The following CTNNA3 variants were observed in gnomAD, a reference collection of about 807,000 sequenced individuals.
CTNNA3 encodes the protein catenin alpha 3, also known as catenin alpha-3.
CTNNA3 carries 76 observed loss-of-function variants against 95.7 expected under a neutral mutation model. That is an observed-to-expected ratio of 0.79 (90% CI 0.66 to 0.96). The LOEUF is 0.96. CTNNA3 is among the 40% of genes least tolerant of loss of function. CTNNA3 has a pLI of 0.00. For synonymous variants in CTNNA3, 431 were observed against 374.4 expected, an observed-to-expected ratio of 1.15 and a Z score of -1.74; for missense variants, 1,191 against 1,089.8, an observed-to-expected ratio of 1.09 and a Z score of -1.31.
At chr10:67,480,687 A>G (rs1848183945) in intron 5 of CTNNA3, among the ~76,000 whole-genome samples, 1 of 152,234 alleles carries the variant, frequency 6.6e-6, no homozygotes, top group Admixed American at 6.5e-5. Flanking sequence ...TATAGAAACA[A>G]TGCTTATCAC....
At chr10:67,561,757 C>G (rs1000444922) in intron 3 of CTNNA3, among the ~76,000 whole-genome samples, 1 of 151,628 alleles carries the variant, frequency 6.6e-6, no homozygotes, top group African/African-American at 2.4e-5. Flanking sequence ...CTAAGAAAGA[C>G]AAAAAGAGAG....
chr10:67,422,035 C>T (rs1766616665), intron 5 of CTNNA3, among the ~76,000 whole-genome samples: 1 of 152,014 alleles, frequency 6.6e-6, no homozygotes, highest in Non-Finnish European at 1.5e-5. Flanking sequence ...ATCATGAAAA[C>T]ATCAGACAAA....
chr10:66,369,584 A>T (rs1192049948), intron 12 of CTNNA3, among the ~76,000 whole-genome samples: 1 of 152,094 alleles, frequency 6.6e-6, no homozygotes, highest in African/African-American at 2.4e-5. Context: ...ATTTTTTCCC[A>T]AGTGAAAGAG....
At chr10:66,446,354 T>C (rs1320629495) in intron 11 of CTNNA3, among the ~76,000 whole-genome samples, 6 of 149,604 alleles carry the variant, frequency 4.0e-5, no homozygotes, top group African/African-American at 1.5e-4. Context: ...TACCAAAGCC[T>C]GGCAGAGACA....
At chr10:66,566,922 G>A (rs1389842833) in intron 10 of CTNNA3, among the ~76,000 whole-genome samples, 1 of 150,696 alleles carries the variant, frequency 6.6e-6, no homozygotes, top group Non-Finnish European at 1.5e-5. Flanking sequence ...GAAAAAGAGA[G>A]GTGGAGAGGT....
At chr10:67,673,851 A>G (rs1328218153) in intron 1 of CTNNA3, among the ~76,000 whole-genome samples, 1 of 144,570 alleles carries the variant, frequency 6.9e-6, no homozygotes, top group African/African-American at 2.5e-5. Context: ...GATAAAAATG[A>G]GTTCTTAACT....
intron 10 of CTNNA3, among the ~76,000 whole-genome samples, chr10:66,567,073 A>AT (rs1842733999): frequency 2.3e-3 from 1 of 426 alleles, no homozygotes; most frequent in Non-Finnish European, 5.0e-3. Context: ...AGGGGGAGGG[A>AT]GGGAGGGAGG....
chr10:66,620,094 A>G lies in CTNNA3; in HGVS notation c.1374+1598T>C, dbSNP rs892365293. Among the ~76,000 whole-genome samples the G allele has an allele frequency of 1.6e-4, 24 of 152,146 alleles. 1 individual carries two copies. Among genetic ancestry groups the G allele is most frequent in the African/African-American group, 5.8e-4 (24 of 41,454 alleles). On this transcript the variant is annotated intron_variant, in intron 10 of 17. Transcript: ENST00000433211. ...AAATATCTGTATGTTGAATAATAAT[A>G]CTTTACTCTTTTAACAACATAATGT...
At chr10:67,606,710 A>G in intron 3 of CTNNA3, 147 bp downstream of exon 3, 1 of 623,850 alleles carries the variant, frequency 1.6e-6, no homozygotes, top group African/African-American at 1.9e-5. Context: ...CTAATGAGCC[A>G]CTCTGCCTCC....
intron 11 of CTNNA3, among the ~76,000 whole-genome samples, chr10:66,404,448 C>T (rs145743912): frequency 6.6e-5 from 10 of 152,226 alleles, no homozygotes; most frequent in East Asian, 1.9e-4. Context: ...AAACTCCTAG[C>T]GCATACTTAT....
At chr10:67,394,864 T>A (rs534711022) in intron 5 of CTNNA3, among the ~76,000 whole-genome samples, 1 of 152,178 alleles carries the variant, frequency 6.6e-6, no homozygotes, top group South Asian at 2.1e-4. Context: ...ACTGACAAAT[T>A]GAAAAGCTAT....
chr10:67,109,783 C>T (rs1858823463), intron 7 of CTNNA3, among the ~76,000 whole-genome samples: 1 of 152,142 alleles, frequency 6.6e-6, no homozygotes. Context: ...GCGGAGCTTG[C>T]AGTGAGCCGA....
At chr10:67,567,151 C>T (rs1269128027) in intron 3 of CTNNA3, among the ~76,000 whole-genome samples, 6 of 150,820 alleles carry the variant, frequency 4.0e-5, no homozygotes, top group South Asian at 2.1e-4. Flanking sequence ...TGCACATGTA[C>T]CCTAAAACTT....
intron 11 of CTNNA3, among the ~76,000 whole-genome samples, chr10:66,484,385 T>C (rs2441737): frequency 0.068 from 10,292 of 152,072 alleles, 981 homozygotes; most frequent in East Asian, 0.45. Flanking sequence ...AGTGAATGCA[T>C]TGGTTTACAA....
At chr10:65,944,950 G>T in intron 17 of CTNNA3, among the ~76,000 whole-genome samples, 1 of 151,460 alleles carries the variant, frequency 6.6e-6, no homozygotes, top group East Asian at 1.9e-4. Flanking sequence ...TACACACTAG[G>T]TAAGTAACAG....
intron 12 of CTNNA3, among the ~76,000 whole-genome samples, chr10:66,310,546 G>T (rs2092003237): frequency 1.3e-5 from 2 of 150,900 alleles, no homozygotes; most frequent in Non-Finnish European, 2.9e-5. Context: ...GGAAATCCAT[G>T]CTATGCTAAA....
intron 2 of CTNNA3, among the ~76,000 whole-genome samples, chr10:67,632,290 A>C (rs1839168694): frequency 6.7e-6 from 1 of 149,506 alleles, no homozygotes; most frequent in African/African-American, 2.5e-5. Context: ...TATTTGCCTC[A>C]TTACCTGTCC....
intron 12 of CTNNA3, among the ~76,000 whole-genome samples, chr10:66,309,942 TAAATAAATAAATAAAATA>T (rs2091992983): frequency 8.7e-6 from 1 of 114,632 alleles, no homozygotes; most frequent in African/African-American, 3.4e-5. Flanking sequence ...AATAAATAAA[TAAATAAATAAATAAAATA>T]AAAATAAAAA....
At chr10:67,102,405 G>A (rs550537303) in intron 7 of CTNNA3, among the ~76,000 whole-genome samples, 1 of 151,768 alleles carries the variant, frequency 6.6e-6, no homozygotes, top group Non-Finnish European at 1.5e-5. Context: ...CTCATGACTT[G>A]CATTATAGTT....
Sources: allele counts gnomAD v4.1 joint callset (sites outside exome capture counted in the v4.1 genomes callset), GRCh38; gene constraint gnomAD v4.1.1; transcripts MANE v1.5; gene names NCBI Gene and HGNC (gene_info 2026-07-23, HGNC 2026-07-21).